Variants in MCCC1 observed in about 807,000 individuals in gnomAD.
MCCC1 encodes the protein methylcrotonyl-CoA carboxylase subunit 1.
A neutral mutation model predicts 83.8 loss-of-function variants in MCCC1; 64 were observed. The observed-to-expected ratio is 0.76, with a 90% CI of 0.62 to 0.94. The LOEUF is 0.94. Ranked by LOEUF, MCCC1 falls within the 40% of genes least tolerant of loss-of-function variation. MCCC1 has a pLI of 0.00. For synonymous variants in MCCC1, 322 were observed against 315.4 expected (o/e 1.02, Z -0.22); for missense variants, 807 against 904.7 (o/e 0.89, Z 1.39).
intron 4 of MCCC1, among the ~76,000 whole-genome samples, chr3:183,076,569 A>AT (rs1384362150): frequency 6.6e-6 from 1 of 152,212 alleles, no homozygotes; most frequent in Non-Finnish European, 1.5e-5. Flanking sequence ...GTAAGAATAC[A>AT]TTTAACTTTT....
intron 15 of MCCC1, among the ~76,000 whole-genome samples, chr3:183,023,654 A>T (rs2108443317): frequency 6.6e-6 from 1 of 152,194 alleles, no homozygotes; most frequent in East Asian, 1.9e-4. Flanking sequence ...AAAGAAAATC[A>T]ATGTGTCTCA....
At chr3:183,053,057 C>A (rs1444178942) in intron 8 of MCCC1, among the ~76,000 whole-genome samples, 5 of 152,014 alleles carry the variant, frequency 3.3e-5, no homozygotes, top group African/African-American at 1.2e-4. Flanking sequence ...TGTTATTGAC[C>A]CTGAAAACTT....
intron 7 of MCCC1, among the ~76,000 whole-genome samples, chr3:183,060,337 G>A (rs1715727723): frequency 6.6e-6 from 1 of 152,106 alleles, no homozygotes; most frequent in Non-Finnish European, 1.5e-5. Flanking sequence ...AGGTCTGAGT[G>A]GCACATTCTA....
At chr3:183,068,104 G>A (rs1245346639) in intron 7 of MCCC1, among the ~76,000 whole-genome samples, 4 of 152,072 alleles carry the variant, frequency 2.6e-5, no homozygotes, top group East Asian at 3.9e-4. Flanking sequence ...AGGATTAAGC[G>A]TGCTCTTACA....
chr3:183,062,320 A>G (rs1296208211), intron 7 of MCCC1, among the ~76,000 whole-genome samples: 1 of 149,072 alleles, frequency 6.7e-6, no homozygotes, highest in Non-Finnish European at 1.5e-5. Context: ...AAGAGCACAG[A>G]GCAATTCTTG....
chr3:183,073,185 T>A (rs1471546018), intron 4 of MCCC1, among the ~76,000 whole-genome samples: 2 of 152,210 alleles, frequency 1.3e-5, no homozygotes, highest in Non-Finnish European at 2.9e-5. Flanking sequence ...TTCTTCTAGC[T>A]GTATACCAAA....
chr3:183,076,998 G>C (rs763922445), intron 4 of MCCC1, among the ~76,000 whole-genome samples: 5 of 152,024 alleles, frequency 3.3e-5, no homozygotes, highest in Non-Finnish European at 7.4e-5. Flanking sequence ...GCAGTCTTTT[G>C]TGACTGGCTC....
At chr3:183,083,664 A>G (rs1001336978) in intron 4 of MCCC1, among the ~76,000 whole-genome samples, 2 of 152,240 alleles carry the variant, frequency 1.3e-5, no homozygotes, top group Non-Finnish European at 2.9e-5. Context: ...TGGAATTAGC[A>G]TATCATACAT....
intron 9 of MCCC1, among the ~76,000 whole-genome samples, chr3:183,049,171 T>C (rs1038353545): frequency 6.6e-6 from 1 of 152,158 alleles, no homozygotes; most frequent in Non-Finnish European, 1.5e-5. Flanking sequence ...TAAGCTTATA[T>C]TTTAATTAAT....
intron 4 of MCCC1, among the ~76,000 whole-genome samples, chr3:183,076,370 T>G (rs185719025): frequency 2.0e-5 from 3 of 152,364 alleles, no homozygotes; most frequent in Non-Finnish European, 1.5e-5. Flanking sequence ...GTAGCTCATT[T>G]CTTTTTATAA....
intron 14 of MCCC1, among the ~76,000 whole-genome samples, chr3:183,027,278 A>G (rs1712690022): frequency 6.6e-6 from 1 of 152,192 alleles, no homozygotes; most frequent in Admixed American, 6.5e-5. Flanking sequence ...AGGCAATACA[A>G]TATTGAAATT....
In MCCC1 at chr3:183,040,830, C is replaced by T. The variant is rs549110471; in HGVS notation, c.1267+737G>A. Among the ~76,000 whole-genome samples, 4 of 152,324 alleles carry T rather than the reference C, an allele frequency of 2.6e-5. No individual in the cohort carries two copies. In the South Asian group the frequency reaches 6.2e-4, roughly 24 times the overall value. The stretch of plus-strand genomic sequence containing the variant: ...ATTGCTATATCCCATCACTGTATAA[C>T]TTATTCCAGCAATTGAAATTAAGAT... On this transcript the variant is annotated intron_variant, in intron 11 of 18. Transcript: ENST00000265594.
chr3:183,101,603 G>A (rs1719306442), upstream of MCCC1, among the ~76,000 whole-genome samples: 1 of 152,328 alleles, frequency 6.6e-6, no homozygotes, highest in South Asian at 2.1e-4. Context: ...TCAGCACCCT[G>A]ACAAAACAGG....
At chr3:183,036,575 T>C (rs1713614714) in intron 13 of MCCC1, among the ~76,000 whole-genome samples, 1 of 142,386 alleles carries the variant, frequency 7.0e-6, no homozygotes, top group Admixed American at 7.3e-5. Context: ...ACTCTCGCCC[T>C]GTTGTCCAGG....
At position 183,034,320 on chromosome 3, in the gene MCCC1, G is replaced by T. The variant is rs868776644; in HGVS notation, c.1595-243C>A. On this transcript the variant is annotated intron_variant, in intron 13 of 18. Coordinates refer to ENST00000265594, the MANE Select transcript of MCCC1 (RefSeq NM_020166.5). ...AAAAAAATTAGCTGGGCATGGTGAC[G>T]GGCGCCTCTAGTCCCAGCTACTCTG... Among the ~76,000 whole-genome samples, 13 of 151,982 alleles carry T rather than the reference G, an allele frequency of 8.6e-5. 1 individual carries two copies. In the South Asian group the frequency reaches 2.3e-3, roughly 27 times the overall value.
upstream of MCCC1, among the ~76,000 whole-genome samples, chr3:183,103,294 T>A (rs1577382886): frequency 6.6e-6 from 1 of 152,104 alleles, no homozygotes; most frequent in Non-Finnish European, 1.5e-5. Context: ...CCGAGCGGGT[T>A]GGCACTACTC....
chr3:183,103,194 C>A (rs1232805154), upstream of MCCC1, among the ~76,000 whole-genome samples: 3 of 151,994 alleles, frequency 2.0e-5, no homozygotes, highest in African/African-American at 7.3e-5. Flanking sequence ...TGTTACAGCT[C>A]ATAAAGGCAA....
chr3:183,096,513 T>C (rs924387469), intron 1 of MCCC1, among the ~76,000 whole-genome samples: 2 of 152,188 alleles, frequency 1.3e-5, no homozygotes, highest in Non-Finnish European at 1.5e-5. Context: ...TTAGAAACTA[T>C]GTAACTAGGC....
At chr3:183,101,821 G>A (rs1324692862), upstream of MCCC1, among the ~76,000 whole-genome samples, 3 of 152,128 alleles carry the variant, frequency 2.0e-5, no homozygotes, top group Admixed American at 1.3e-4. Flanking sequence ...ACGAAGATCT[G>A]CAGCTTCACT....
Sources: allele counts gnomAD v4.1 joint callset (sites outside exome capture counted in the v4.1 genomes callset), GRCh38; gene constraint gnomAD v4.1.1; transcripts MANE v1.5; gene names NCBI Gene and HGNC (gene_info 2026-07-23, HGNC 2026-07-21).